TG: variants seen among roughly 807,000 people sequenced by gnomAD.
TG encodes the protein thyroid hormones.
A neutral mutation model predicts 324.7 loss-of-function variants in TG; 270 were observed. The observed-to-expected ratio is 0.83, with a 90% CI of 0.75 to 0.92. The LOEUF (loss-of-function observed/expected upper bound fraction) is 0.92, where lower values mean the gene tolerates loss of function less well. Ranked by LOEUF, TG falls within the 40% of genes least tolerant of loss-of-function variation. TG has a pLI of 0.00. For missense variants in TG, 3,591 were observed against 3,456.4 expected (o/e 1.04, Z -0.98); for synonymous variants, 1,401 against 1,327.0 (o/e 1.06, Z -1.21).
intron 21 of TG, 79 bp from the exon 22 acceptor site, chr8:132,923,259 A>G: frequency 1.3e-6 from 2 of 1,525,324 alleles, no homozygotes; most frequent in Non-Finnish European, 1.8e-6. Flanking sequence ...CACCTTGTCA[A>G]TGACCGAGAG....
chr8:133,126,160 G>T (rs1457714976), intron 45 of TG, among the ~76,000 whole-genome samples: 1 of 152,170 alleles, frequency 6.6e-6, no homozygotes, highest in Non-Finnish European at 1.5e-5. Flanking sequence ...TTCTTTTGGT[G>T]CAGGATCAGA....
intron 23 of TG, among the ~76,000 whole-genome samples, chr8:132,932,049 G>A (rs375002732): frequency 3.0e-4 from 46 of 152,248 alleles, no homozygotes; most frequent in African/African-American, 8.7e-4. Context: ...AGCCAAGATC[G>A]TGCTAATGCA....
intron 29 of TG, 136 bp from the exon 30 acceptor site, chr8:132,966,422 GTC>G: frequency 8.8e-7 from 1 of 1,133,594 alleles, no homozygotes; most frequent in Non-Finnish European, 1.3e-6. Flanking sequence ...GCATAAAAAT[GTC>G]TCTGTCTCTA....
intron 35 of TG, among the ~76,000 whole-genome samples, chr8:132,993,123 A>G (rs59836089): frequency 0.021 from 3,265 of 152,342 alleles, 120 homozygotes; most frequent in African/African-American, 0.074. Context: ...AATGTCCAGT[A>G]TAGAGTAGAT....
At chr8:132,984,587 T>C (rs1831291392) in intron 35 of TG, among the ~76,000 whole-genome samples, 1 of 152,154 alleles carries the variant, frequency 6.6e-6, no homozygotes, top group Non-Finnish European at 1.5e-5. Context: ...GATTTTGAAT[T>C]TTATCAAGTT....
intron 35 of TG, chr8:132,995,110 GC>G: frequency 1.0e-6 from 1 of 971,024 alleles, no homozygotes; most frequent in Non-Finnish European, 1.2e-6. Flanking sequence ...GAAGCACAGA[GC>G]CTGGTGCTGG....
chr8:132,958,140 T>A (rs947410113), intron 27 of TG, among the ~76,000 whole-genome samples: 3 of 152,158 alleles, frequency 2.0e-5, no homozygotes, highest in African/African-American at 7.2e-5. Flanking sequence ...CTTAATGGGG[T>A]CATTGGCTTC....
Position 132,935,853 on chromosome 8 carries a change from A to G in TG, c.5030A>G (p.Tyr1677Cys). 6.2e-7 allele frequency: 1 copy of G among 1,612,244 alleles called. No homozygotes were observed. Among genetic ancestry groups the G allele is most frequent in the Non-Finnish European group, 8.5e-7 (1 of 1,179,944 alleles). ...RSHGQDSPAVYLKKGQGSTTT... is the reference protein window; with the variant it reads ...RSHGQDSPAVCLKKGQGSTTT... ...CATGGTCAAGATTCTCCAGCTGTGTATTTGAAAAAGGGTAGGTTGGTCAGG... is the reference window on the plus strand; with the variant it reads ...CATGGTCAAGATTCTCCAGCTGTGTGTTTGAAAAAGGGTAGGTTGGTCAGG... Residue 1677 changes from tyrosine (Y) to cysteine (C), a missense_variant, in exon 25 of 48, where the codon TAT becomes TGT. Coordinates refer to ENST00000220616, the MANE Select transcript of TG (RefSeq NM_003235.5).
Position 132,913,162 on chromosome 8 carries a change from C to T in TG, c.4275C>T (p.Leu1425=). ...TCCCAGCGGAAACCATCCGCTTCCT[C>T]CAAGGGGACCACTTTGGCACCTCTC... ...KTFPAETIRF[L]QGDHFGTSPR... is the part of the protein sequence containing the mutation. Residue 1425 remains leucine, a synonymous_variant, in exon 20 of 48, where the codon CTC becomes CTT. Transcript: ENST00000220616. 1 of 1,614,196 alleles carries T rather than the reference C, an allele frequency of 6.2e-7. No homozygotes were observed. Among genetic ancestry groups the T allele is most frequent in the African/African-American group, 1.3e-5 (1 of 75,054 alleles).
At chr8:132,963,904 C>T (rs544353653) in intron 29 of TG, among the ~76,000 whole-genome samples, 5 of 152,170 alleles carry the variant, frequency 3.3e-5, no homozygotes, top group South Asian at 2.1e-4. Flanking sequence ...CCTTAGTGCA[C>T]GGCCATGGGT....
intron 35 of TG, chr8:132,994,590 G>GT (rs1437329748): frequency 7.5e-5 from 76 of 1,017,928 alleles, no homozygotes; most frequent in South Asian, 8.2e-5. Context: ...GCTACACAAA[G>GT]TTTTTTTTAA....
chr8:132,886,624 G>T lies in TG; in HGVS notation c.1252G>T (p.Asp418Tyr), dbSNP rs1191555796. ...ACCCACGATCAAGGAGCTCTTTGTG[G>T]ACTCTGGGCTTCTCCGCCCAATGGT... ...CPPTIKELFV[D>Y]SGLLRPMVEG... The change falls in exon 9 of 48, where the codon GAC (aspartate) becomes TAC (tyrosine). Residue 418 changes from aspartate (D) to tyrosine (Y), a missense_variant. Physicochemically the swap from Asp to Tyr is radical, Grantham distance 160. Transcript: ENST00000220616. The T allele has an allele frequency of 6.2e-7, 1 of 1,614,020 alleles. No individual in the cohort carries two copies. The highest frequency in any genetic ancestry group is 8.5e-7 in the Non-Finnish European group (1 of 1,180,048).
At chr8:133,096,619 C>T (rs1250000218) in intron 43 of TG, among the ~76,000 whole-genome samples, 1 of 152,110 alleles carries the variant, frequency 6.6e-6, no homozygotes, top group Non-Finnish European at 1.5e-5. Flanking sequence ...TGGAGCTGAC[C>T]CAGAAGCTCT....
intron 12 of TG, 56 bp downstream of exon 12, chr8:132,897,842 A>G: frequency 6.2e-7 from 1 of 1,604,420 alleles, no homozygotes; most frequent in Non-Finnish European, 8.5e-7. Flanking sequence ...TTTATTTTAG[A>G]GGACAGAGCC....
At chr8:133,023,023 G>A (rs1249215959) in intron 40 of TG, among the ~76,000 whole-genome samples, 1 of 152,218 alleles carries the variant, frequency 6.6e-6, no homozygotes, top group Non-Finnish European at 1.5e-5. Context: ...TTCGAGGATA[G>A]TGACTGCTTC....
At position 132,888,459 on chromosome 8, in the gene TG, A is replaced by C. The variant is rs115199914; in HGVS notation, c.2652A>C (p.Ser884=). ...TCAGCCAATACCCGGGGTCCTACTC[A>C]GACTTCAGCACTCCTTTGGCACATT... ...GQLSQYPGSY[S]DFSTPLAHFD... is the part of the protein sequence containing the mutation. The change falls in exon 10 of 48, where the codon TCA becomes TCC. Residue 884 remains serine, a synonymous_variant. Transcript: ENST00000220616. The C allele has an allele frequency of 7.8e-5, 126 of 1,611,654 alleles. 1 individual carries two copies. Among genetic ancestry groups the C allele is most frequent in the Middle Eastern group, 6.6e-4 (4 of 6,046 alleles).
At chr8:132,948,059 C>T (rs530200071) in intron 26 of TG, among the ~76,000 whole-genome samples, 113 of 152,306 alleles carry the variant, frequency 7.4e-4, no homozygotes, top group African/African-American at 2.5e-3. Context: ...TCCACACATC[C>T]TAGGCATATG....
intron 26 of TG, among the ~76,000 whole-genome samples, chr8:132,945,626 AG>A (rs1825143712): frequency 6.6e-6 from 1 of 152,160 alleles, no homozygotes; most frequent in Admixed American, 6.5e-5. Context: ...ATATGAATGC[AG>A]TTTTCTAGGA....
Position 132,913,205 on chromosome 8 carries a change from T to G in TG, c.4318T>G (p.Cys1440Gly). 6.2e-7 allele frequency: 1 copy of G among 1,614,106 alleles called. No homozygotes were observed. Among genetic ancestry groups the G allele is most frequent in the Non-Finnish European group, 8.5e-7 (1 of 1,180,002 alleles). ...FGTSPRTWFG[C>G]SEGFYQVLTS... ...CACCTCTCCCAGGACATGGTTTGGG[T>G]GCTCGGAAGGATTCTACCAAGTCTT... The change falls in exon 20 of 48, where the codon TGC becomes GGC. Residue 1440 changes from cysteine to glycine, a missense_variant. Cys to Gly is a radical substitution (Grantham distance 159). Transcript: ENST00000220616.
Sources: allele counts gnomAD v4.1 joint callset (sites outside exome capture counted in the v4.1 genomes callset), GRCh38; gene constraint gnomAD v4.1.1; transcripts MANE v1.5; gene names NCBI Gene and HGNC (gene_info 2026-07-23, HGNC 2026-07-21).